Variants in FSTL5 observed in about 807,000 individuals in gnomAD.
FSTL5 encodes the protein follistatin-related protein 5.
Under a neutral mutation model 89.1 loss-of-function variants are expected in FSTL5, and 62 were observed. The observed-to-expected ratio is 0.70, with a 90% CI of 0.57 to 0.86. The LOEUF (loss-of-function observed/expected upper bound fraction) is 0.86. Among genes scored for constraint, FSTL5 ranks in the 40% least tolerant of loss-of-function variants. FSTL5 has a pLI of 0.00. For synonymous variants in FSTL5, 383 were observed against 346.2 expected, an observed-to-expected ratio of 1.11 and a Z score of -1.18; for missense variants, 1,057 against 1,001.6, an observed-to-expected ratio of 1.06 and a Z score of -0.75.
intron 12 of FSTL5, 48 bp downstream of exon 12, chr4:161,499,968 T>C (rs1161540638): frequency 9.2e-7 from 1 of 1,083,168 alleles, no homozygotes; most frequent in South Asian, 1.3e-5. Flanking sequence ...TAATTCTACT[T>C]AACAAAATTT....
At chr4:161,497,303 A>T (rs1730118392) in intron 12 of FSTL5, among the ~76,000 whole-genome samples, 1 of 152,108 alleles carries the variant, frequency 6.6e-6, no homozygotes. Flanking sequence ...TATATGTGGC[A>T]TATAATAATT....
intron 12 of FSTL5, among the ~76,000 whole-genome samples, chr4:161,489,540 T>C (rs1269752189): frequency 6.6e-6 from 1 of 152,152 alleles, no homozygotes; most frequent in East Asian, 1.9e-4. Flanking sequence ...AAACCTAGTA[T>C]GGATAAGTTG....
At chr4:162,058,238 C>G (rs1312013402) in intron 2 of FSTL5, among the ~76,000 whole-genome samples, 4 of 151,824 alleles carry the variant, frequency 2.6e-5, no homozygotes, top group Non-Finnish European at 4.4e-5. Flanking sequence ...GAAGCAAATT[C>G]AATTTCTAAG....
intron 15 of FSTL5, chr4:161,387,482 T>C (rs116217234): frequency 5.9e-4 from 90 of 152,160 alleles, no homozygotes; most frequent in African/African-American, 2.1e-3. Context: ...TATGTTATCA[T>C]CACCTGTGTA....
chr4:161,717,676 A>C (rs1739034683), intron 6 of FSTL5, among the ~76,000 whole-genome samples: 4 of 152,190 alleles, frequency 2.6e-5, no homozygotes, highest in Admixed American at 2.0e-4. Flanking sequence ...TATGTAAAAA[A>C]AACTCAATCT....
chr4:162,085,046 C>T (rs531638536), intron 2 of FSTL5, among the ~76,000 whole-genome samples: 2 of 152,092 alleles, frequency 1.3e-5, no homozygotes, highest in Non-Finnish European at 2.9e-5. Flanking sequence ...GGAAAAAAAT[C>T]TATACTAAAT....
At position 161,542,531 on chromosome 4, in the gene FSTL5, C is replaced by T; in HGVS notation, c.1177+1G>A. On this transcript the variant is annotated splice_donor_variant, in intron 9 of 15. Transcript: ENST00000306100. LOFTEE classifies it high-confidence loss of function. ...GAGAAAAAAAAGCAAGTAAAAAGCA[C>T]CTTGAAGCGTGAGTTGTTTGGAAAG... 2.0e-6 allele frequency: 3 copies of T among 1,465,502 alleles called. No homozygotes were observed. The highest frequency in any genetic ancestry group is 2.7e-6 in the Non-Finnish European group (3 of 1,099,820). 90.8% of individuals were successfully genotyped at this position (1,465,502 alleles called of 1,614,324 possible).
chr4:161,649,080 T>C (rs1312563220), intron 7 of FSTL5, among the ~76,000 whole-genome samples: 2 of 152,176 alleles, frequency 1.3e-5, no homozygotes, highest in East Asian at 1.9e-4. Flanking sequence ...ATGCAAACTA[T>C]ATTGACCTGT....
In FSTL5 at chr4:161,390,018, T is replaced by G. The variant is rs529655769; in HGVS notation, c.1842-3569A>C. ...AGATCACATTGACAATAAAAACACA[T>G]GTTTTTATTCTTGCTCTCACTTGTA... On this transcript the variant is annotated intron_variant, in intron 15 of 15. Transcript: ENST00000306100. Among the ~76,000 whole-genome samples the G allele has an allele frequency of 4.7e-4, 71 of 152,270 alleles. 1 individual carries two copies. Among genetic ancestry groups the G allele is most frequent in the South Asian group, 8.3e-4 (4 of 4,828 alleles).
In FSTL5 at chr4:161,673,154, T is replaced by C. The variant is rs75097434; in HGVS notation, c.728-16660A>G. Among the ~76,000 whole-genome samples, 921 of 152,240 alleles carry C rather than the reference T, an allele frequency of 6.0e-3. 9 individuals are homozygous for C. Among genetic ancestry groups the C allele is most frequent in the South Asian group, 0.046 (220 of 4,832 alleles). ...TATTGCTAAAAATAATGTACTGGAT[T>C]TAAATTACAGGGTTTGAAAATATAT... is the stretch of plus-strand genomic sequence containing the variant. On this transcript the variant is annotated intron_variant, in intron 6 of 15. Transcript: ENST00000306100.
intron 5 of FSTL5, among the ~76,000 whole-genome samples, chr4:161,767,975 C>CA (rs11415410): frequency 0.21 from 31,827 of 152,024 alleles, 6,128 homozygotes; most frequent in African/African-American, 0.51. Flanking sequence ...CGAGAGAGAA[C>CA]CTTCTGTTCT....
intron 7 of FSTL5, among the ~76,000 whole-genome samples, chr4:161,588,555 C>T (rs969819773): frequency 1.6e-4 from 25 of 152,058 alleles, no homozygotes; most frequent in African/African-American, 5.8e-4. Flanking sequence ...TCCAGAATAG[C>T]AAAGACCAGA....
At chr4:162,008,188 C>A (rs574776548) in intron 3 of FSTL5, among the ~76,000 whole-genome samples, 1 of 151,796 alleles carries the variant, frequency 6.6e-6, no homozygotes, top group South Asian at 2.1e-4. Flanking sequence ...AATGTAATGA[C>A]CATTAATGAG....
intron 6 of FSTL5, among the ~76,000 whole-genome samples, chr4:161,712,671 G>A (rs969951301): frequency 3.3e-5 from 5 of 152,114 alleles, no homozygotes; most frequent in Non-Finnish European, 4.4e-5. Flanking sequence ...GCTCACGGGG[G>A]CAGGTCCCTT....
intron 4 of FSTL5, among the ~76,000 whole-genome samples, chr4:161,909,163 G>A (rs1733620554): frequency 6.6e-6 from 1 of 152,072 alleles, no homozygotes; most frequent in Non-Finnish European, 1.5e-5. Context: ...AAATTTCCAG[G>A]ATGTAGAGCT....
chr4:161,913,865 A>G (rs931867520), intron 4 of FSTL5, among the ~76,000 whole-genome samples: 1 of 152,168 alleles, frequency 6.6e-6, no homozygotes, highest in Non-Finnish European at 1.5e-5. Flanking sequence ...TGTATCTAGG[A>G]AGTAATTAGC....
At chr4:161,880,261 T>A (rs1249935973) in intron 4 of FSTL5, among the ~76,000 whole-genome samples, 1 of 152,070 alleles carries the variant, frequency 6.6e-6, no homozygotes, top group Non-Finnish European at 1.5e-5. Flanking sequence ...TGAAACTTCA[T>A]AAAATTTGAT....
At chr4:161,698,811 C>T (rs1008242753) in intron 6 of FSTL5, among the ~76,000 whole-genome samples, 3 of 151,932 alleles carry the variant, frequency 2.0e-5, no homozygotes, top group African/African-American at 7.3e-5. Flanking sequence ...TTAGCAGGGC[C>T]TGGTGGTATG....
rs377136549 is a variant in FSTL5, at chr4:161,489,274, C to A, written c.1459-8105G>T. On this transcript the variant is annotated intron_variant, in intron 12 of 15. Transcript: ENST00000306100. Reference sequence around the variant, plus strand: ...CTGGCTAGGGGGAAGGTCCAGGGGCCATTAGACACTGAGAACAGGAGAGGC... The same window carrying A: ...CTGGCTAGGGGGAAGGTCCAGGGGCAATTAGACACTGAGAACAGGAGAGGC... Among the ~76,000 whole-genome samples the A allele has an allele frequency of 3.4e-4, 51 of 152,052 alleles. 1 individual carries two copies. Among genetic ancestry groups the A allele is most frequent in the African/African-American group, 1.1e-3 (47 of 41,480 alleles).
Sources: allele counts gnomAD v4.1 joint callset (sites outside exome capture counted in the v4.1 genomes callset), GRCh38; gene constraint gnomAD v4.1.1; transcripts MANE v1.5; gene names NCBI Gene and HGNC (gene_info 2026-07-23, HGNC 2026-07-21).